Variants in USP16 observed in about 807,000 individuals in gnomAD.
USP16 encodes ubiquitin carboxyl-terminal hydrolase 16.
Under a neutral mutation model 95.9 loss-of-function variants are expected in USP16, and 77 were observed. The observed-to-expected ratio is 0.80, with a 90% CI of 0.67 to 0.97. The LOEUF (loss-of-function observed/expected upper bound fraction) is 0.97, where lower values mean the gene tolerates loss of function less well. Among genes scored for constraint, USP16 ranks in the 50% least tolerant of loss-of-function variants. The probability of loss-of-function intolerance (pLI) is 0.00; values close to 1 mark genes in which losing one functional copy is unlikely to be tolerated. For missense variants in USP16, 943 were observed against 959.9 expected (o/e 0.98, Z 0.23); for synonymous variants, 303 against 318.2 (o/e 0.95, Z 0.51).
intron 1 of USP16, chr21:29,025,729 A>C: frequency 1.0e-6 from 1 of 984,760 alleles, no homozygotes; most frequent in Non-Finnish European, 1.2e-6. Context: ...CTTCATTCTT[A>C]TGTACCTACC....
At position 29,046,811 on chromosome 21, in the gene USP16, G is replaced by A. The variant is rs756793425; in HGVS notation, c.1501G>A (p.Glu501Lys). ...VNIKSNHISQEGVMHKEYCVN... is the reference protein window; with the variant it reads ...VNIKSNHISQKGVMHKEYCVN... Reference sequence around the variant, plus strand: ...TATTAAATCCAACCATATTTCACAAGAGGGTGTTATGCATAAAGAATATTG... The same window carrying A: ...TATTAAATCCAACCATATTTCACAAAAGGGTGTTATGCATAAAGAATATTG... The change falls in exon 14 of 18, where the codon GAG becomes AAG. Residue 501 changes from glutamate (E) to lysine (K), a missense_variant. Glu to Lys is a moderately conservative substitution (Grantham distance 56). Transcript: ENST00000399976. 1.2e-6 allele frequency: 2 copies of A among 1,614,156 alleles called. No homozygotes were observed. The highest frequency in any genetic ancestry group is 1.7e-6 in the Non-Finnish European group (2 of 1,180,024).
In USP16 at chr21:29,039,538, A is replaced by T; in HGVS notation, c.921A>T (p.Leu307Phe). The part of the protein sequence containing the change: ...QQDSQELLRY[L>F]LDGMRAEEHQ... ...ACAGCCAGGAGCTGCTTCGCTACTTATTGGATGGGATGAGAGCAGAAGAAC... is the reference window on the plus strand; with the variant it reads ...ACAGCCAGGAGCTGCTTCGCTACTTTTTGGATGGGATGAGAGCAGAAGAAC... The change falls in exon 9 of 18, where the codon TTA becomes TTT. Residue 307 changes from leucine to phenylalanine, a missense_variant. Leu to Phe is a conservative substitution (Grantham distance 22). Transcript: ENST00000399976. 7 of 1,613,298 alleles carry T rather than the reference A, an allele frequency of 4.3e-6. No homozygotes were observed. Among genetic ancestry groups the T allele is most frequent in the Non-Finnish European group, 5.1e-6 (6 of 1,179,378 alleles).
rs372831501 is a variant in USP16 at position 29,054,007 on chromosome 21, A to G, written c.2350+49A>G. 133 of 1,613,088 alleles carry G rather than the reference A, an allele frequency of 8.2e-5. No individual in the cohort carries two copies. The African/African-American group carries it at 1.5e-3, about 19-fold the overall frequency. ...GCACTCAGCAGATTACGGCAAAACCAAAAAGTAATCAACTTGAATCTTTCC... is the reference window on the plus strand; with the variant it reads ...GCACTCAGCAGATTACGGCAAAACCGAAAAGTAATCAACTTGAATCTTTCC... On this transcript the variant is annotated intron_variant, in intron 17 of 17. Coordinates refer to ENST00000399976, the MANE Select transcript of USP16 (RefSeq NM_006447.3).
chr21:29,038,371 A>G lies in USP16; in HGVS notation c.673A>G (p.Lys225Glu), dbSNP rs771762471. Residue 225 changes from lysine to glutamate, a missense_variant, in exon 7 of 18, where the codon AAA (lysine) becomes GAA (glutamate). By Grantham distance (56) the Lys-to-Glu change is moderately conservative (BLOSUM62 1). Coordinates refer to ENST00000399976, the MANE Select transcript of USP16 (RefSeq NM_006447.3). ...SQTPVLRELL[K>E]EVKMSGTIVK... ...AACACCAGTGCTTAGAGAACTACTA[A>G]AAGAAGTGAAAATGTCTGGAACAAT... The G allele has an allele frequency of 1.2e-6, 2 of 1,613,058 alleles. No individual in the cohort carries two copies. Among genetic ancestry groups the G allele is most frequent in the Non-Finnish European group, 1.7e-6 (2 of 1,179,430 alleles).
intron 16 of USP16, chr21:29,052,130 C>G (rs959328920): frequency 2.0e-5 from 3 of 152,030 alleles, no homozygotes; most frequent in African/African-American, 7.3e-5. Context: ...AATTTTGATT[C>G]TGTAGGTCTA....
intron 2 of USP16, 39 bp downstream of exon 2, chr21:29,028,013 T>C: frequency 6.9e-7 from 1 of 1,443,156 alleles, no homozygotes; most frequent in Non-Finnish European, 9.7e-7. Flanking sequence ...TTTATATCTC[T>C]AAATGAATAT....
At position 29,048,441 on chromosome 21, in the gene USP16, A is replaced by C. The variant is rs554374768; in HGVS notation, c.2012-320A>C. ...TGATTTGATGTGATGGAATATACTA[A>C]ACTTTCAACCTCATTAACCAAAATA... is the stretch of plus-strand genomic sequence containing the variant. On this transcript the variant is annotated intron_variant, in intron 14 of 17. Coordinates refer to ENST00000399976, the MANE Select transcript of USP16 (RefSeq NM_006447.3). 3.9e-5 allele frequency among the ~76,000 whole-genome samples: 6 copies of C among 152,114 alleles called. No homozygotes were observed. The South Asian group carries it at 1.2e-3, about 32-fold the overall frequency.
At position 29,036,147 on chromosome 21, in the gene USP16, T is replaced by C; in HGVS notation, c.345-124T>C. ...AGTCTTCTTCAGGAAAACAGAATTTTTACGTTCGGTTTCTTTAATAGAATA... is the reference window on the plus strand; with the variant it reads ...AGTCTTCTTCAGGAAAACAGAATTTCTACGTTCGGTTTCTTTAATAGAATA... On this transcript the variant is annotated intron_variant, in intron 4 of 17. Transcript: ENST00000399976. The C allele has an allele frequency of 5.4e-6, 4 of 743,498 alleles. No homozygotes were observed. In the South Asian group the frequency reaches 8.1e-5, roughly 15 times the overall value. 46.1% of individuals were successfully genotyped at this position (743,498 alleles called of 1,614,324 possible).
chr21:29,031,223 G>A (rs2085071786), intron 3 of USP16, among the ~76,000 whole-genome samples: 3 of 152,164 alleles, frequency 2.0e-5, no homozygotes. Flanking sequence ...CTCAGCACCT[G>A]GGGGAATGAG....
At position 29,024,782 on chromosome 21, in the gene USP16, G is replaced by A. The variant is rs935763013; in HGVS notation, c.-42+5G>A. ...TTATGGGCTCTGTCGCCGTGGGTGA[G>A]TTCTGGTCCCACTGCCTGGCAGTCG... On this transcript the variant is annotated splice_donor_5th_base_variant and intron_variant, in intron 1 of 17. Coordinates refer to ENST00000399976, the MANE Select transcript of USP16 (RefSeq NM_006447.3). 7.8e-7 allele frequency: 1 copy of A among 1,278,324 alleles called. No individual in the cohort carries two copies. Among genetic ancestry groups the A allele is most frequent in the Non-Finnish European group, 1.0e-6 (1 of 982,508 alleles). 79.2% of individuals were successfully genotyped at this position (1,278,324 alleles called of 1,614,324 possible).
intron 13 of USP16, among the ~76,000 whole-genome samples, chr21:29,045,635 A>T (rs928167745): frequency 6.6e-6 from 1 of 151,452 alleles, no homozygotes; most frequent in Non-Finnish European, 1.5e-5. Flanking sequence ...GTTAGTGTGG[A>T]GTCAGACCCA....
At chr21:29,040,859 A>G (rs1357670507) in intron 10 of USP16, among the ~76,000 whole-genome samples, 172 bp downstream of exon 10, 1 of 152,186 alleles carries the variant, frequency 6.6e-6, no homozygotes, top group Non-Finnish European at 1.5e-5. Flanking sequence ...GTTTTACCCC[A>G]TGGTGTATTC....
intron 14 of USP16, among the ~76,000 whole-genome samples, chr21:29,048,037 C>T (rs1026779880): frequency 1.4e-5 from 2 of 144,242 alleles, no homozygotes; most frequent in Admixed American, 1.4e-4. Context: ...TATATCAGCT[C>T]AGAGACGATA....
In USP16 at chr21:29,048,778, T is replaced by C. The variant is rs951780412; in HGVS notation, c.2029T>C (p.Tyr677His). ...TTCTTTAGGTGAAAGGAAGCATGTT[T>C]ACACCAATGCCAAAAAGCAGATGCT... ...ANIKGERKHV[Y>H]TNAKKQMLIS... is the part of the protein sequence containing the mutation. The change falls in exon 15 of 18, where the codon TAC becomes CAC. Residue 677 changes from tyrosine (Y) to histidine (H), a missense_variant. Physicochemically the swap from Tyr to His is moderately conservative, Grantham distance 83. Coordinates refer to ENST00000399976, the MANE Select transcript of USP16 (RefSeq NM_006447.3). The C allele has an allele frequency of 6.8e-6, 11 of 1,613,790 alleles. No homozygotes were observed. Among genetic ancestry groups the C allele is most frequent in the Non-Finnish European group, 8.5e-6 (10 of 1,179,886 alleles).
intron 10 of USP16, 28 bp downstream of exon 10, chr21:29,040,715 A>G: frequency 7.8e-7 from 1 of 1,286,028 alleles, no homozygotes; most frequent in Non-Finnish European, 1.1e-6. Flanking sequence ...GAACTAAAAC[A>G]CTATAGTTGA....
Position 29,034,910 on chromosome 21 carries a change from T to A in USP16, c.314T>A (p.Leu105Gln). Residue 105 changes from leucine to glutamine, a missense_variant, in exon 4 of 18, where the codon CTG becomes CAG. Coordinates refer to ENST00000399976, the MANE Select transcript of USP16 (RefSeq NM_006447.3). ...YLTPRSEPHCLVLSLDNWSVW... is the reference protein window; with the variant it reads ...YLTPRSEPHCQVLSLDNWSVW... Reference sequence around the variant, plus strand: ...ACGCCAAGATCTGAACCTCACTGTCTGGTTCTTAGTTTGGACAACTGGAGT... The same window carrying A: ...ACGCCAAGATCTGAACCTCACTGTCAGGTTCTTAGTTTGGACAACTGGAGT... 1.9e-6 allele frequency: 3 copies of A among 1,614,168 alleles called. No individual in the cohort carries two copies. The highest frequency in any genetic ancestry group is 1.7e-6 in the Non-Finnish European group (2 of 1,179,984).
chr21:29,034,198 GT>G (rs1419393261), intron 3 of USP16, among the ~76,000 whole-genome samples: 2 of 151,998 alleles, frequency 1.3e-5, no homozygotes, highest in African/African-American at 2.4e-5. Context: ...TTAGGGGAAT[GT>G]TTAGGAGACT....
chr21:29,036,323 C>G lies in USP16; in HGVS notation c.397C>G (p.Gln133Glu). The G allele has an allele frequency of 6.2e-7, 1 of 1,613,868 alleles. No homozygotes were observed. The highest frequency in any genetic ancestry group is 8.5e-7 in the Non-Finnish European group (1 of 1,179,910). The part of the protein sequence containing the change: ...VQYCSSNQLG[Q>E]VVDYVRKQAS... ...GTATTGTAGTTCAAACCAGTTGGGT[C>G]AAGTGGTTGATTATGTCAGAAAACA... The change falls in exon 5 of 18, where the codon CAA (glutamine) becomes GAA (glutamate). Residue 133 changes from glutamine (Q) to glutamate (E), a missense_variant. Gln to Glu is a conservative substitution (Grantham distance 29, BLOSUM62 2). Transcript: ENST00000399976.
At chr21:29,042,701 T>C (rs2085263178) in intron 12 of USP16, 173 bp downstream of exon 12, 4 of 527,256 alleles carry the variant, frequency 7.6e-6, no homozygotes, top group Non-Finnish European at 1.3e-5. Flanking sequence ...GTAACTACTT[T>C]AAAAACAAGG....
Sources: gnomAD v4.1 joint callset for allele counts (sites outside exome capture counted in the v4.1 genomes callset) on GRCh38, gnomAD v4.1.1 for gene constraint, MANE v1.5 for transcripts, NCBI Gene and HGNC (gene_info 2026-07-23, HGNC 2026-07-21) for gene names.